The following LRP1B variants were observed in gnomAD, a reference collection of about 807,000 sequenced individuals.
LRP1B encodes LDL receptor related protein 1B, also known as low-density lipoprotein receptor-related protein 1B.
A neutral mutation model predicts 556.6 loss-of-function variants in LRP1B; 217 were observed. The ratio of observed to expected loss-of-function variants is 0.39; its 90% CI spans 0.35 to 0.44. The LOEUF is 0.44. LRP1B is among the 20% of genes least tolerant of loss of function. The probability of loss-of-function intolerance (pLI) is 1.00; values close to 1 mark genes in which losing one functional copy is unlikely to be tolerated. For synonymous variants in LRP1B, 2,047 were observed against 1,865.8 expected, an observed-to-expected ratio of 1.10 and a Z score of -2.50; for missense variants, 5,053 against 5,620.8, an observed-to-expected ratio of 0.90 and a Z score of 3.23.
chr2:141,442,822 T>C (rs1287537857), intron 3 of LRP1B, among the ~76,000 whole-genome samples: 4 of 152,172 alleles, frequency 2.6e-5, no homozygotes, highest in African/African-American at 9.7e-5. Flanking sequence ...CTTTATTCAG[T>C]ATAAAATTGA....
chr2:140,913,097 G>A (rs144943077), intron 21 of LRP1B, among the ~76,000 whole-genome samples: 3 of 151,860 alleles, frequency 2.0e-5, no homozygotes, highest in Non-Finnish European at 4.4e-5. Flanking sequence ...TTATTATAAT[G>A]CCTTTTTGAA....
chr2:141,116,991 A>G (rs1484899709), intron 7 of LRP1B, among the ~76,000 whole-genome samples: 1 of 152,076 alleles, frequency 6.6e-6, no homozygotes, highest in Non-Finnish European at 1.5e-5. Flanking sequence ...CTGTCCATTC[A>G]GTTTACATCT....
chr2:140,908,796 AT>A (rs1396721151), intron 21 of LRP1B, among the ~76,000 whole-genome samples: 3 of 152,096 alleles, frequency 2.0e-5, no homozygotes, highest in Admixed American at 2.0e-4. Flanking sequence ...GTTCATTGTT[AT>A]TTTTGTTTTG....
At position 140,903,279 on chromosome 2, in the gene LRP1B, T is replaced by A; in HGVS notation, c.3521-114A>T. The A allele has an allele frequency of 4.9e-6, 6 of 1,229,566 alleles. No individual in the cohort carries two copies. The South Asian group carries it at 9.2e-5, about 19-fold the overall frequency. 76.2% of individuals were successfully genotyped at this position (1,229,566 alleles called of 1,614,324 possible). ...AATTAGCCAGGATACTACAAATGAA[T>A]ATAAGAAAGCCCTCTTTGGCTTATT... On this transcript the variant is annotated intron_variant, in intron 22 of 90. Coordinates refer to ENST00000389484, the MANE Select transcript of LRP1B (RefSeq NM_018557.3).
intron 2 of LRP1B, among the ~76,000 whole-genome samples, chr2:141,702,018 C>A (rs181863417): frequency 2.0e-5 from 3 of 151,892 alleles, no homozygotes; most frequent in African/African-American, 7.2e-5. Flanking sequence ...GCCAAACAAC[C>A]ACAGAGTTCT....
In LRP1B at chr2:141,710,265, T is replaced by C. The variant is rs1692309990; in HGVS notation, c.205+100014A>G. Among the ~76,000 whole-genome samples, 3 of 152,142 alleles carry C rather than the reference T, an allele frequency of 2.0e-5. No homozygotes were observed. The South Asian group carries it at 6.2e-4, about 31-fold the overall frequency. Reference sequence around the variant, plus strand: ...ATTTTCCTATTCTTTACTCTCAAAATGTCAGGTTTTAAAAAAATTTTCCTT... The same window carrying C: ...ATTTTCCTATTCTTTACTCTCAAAACGTCAGGTTTTAAAAAAATTTTCCTT... On this transcript the variant is annotated intron_variant, in intron 2 of 90. Coordinates refer to ENST00000389484, the MANE Select transcript of LRP1B (RefSeq NM_018557.3).
intron 3 of LRP1B, among the ~76,000 whole-genome samples, chr2:141,479,963 T>C (rs916971786): frequency 6.6e-6 from 1 of 152,224 alleles, no homozygotes; most frequent in African/African-American, 2.4e-5. Flanking sequence ...TTTTCCTTCA[T>C]ACTTCTTACT....
At chr2:141,900,561 G>A (rs946221705) in intron 1 of LRP1B, among the ~76,000 whole-genome samples, 3 of 151,834 alleles carry the variant, frequency 2.0e-5, no homozygotes, top group East Asian at 1.9e-4. Flanking sequence ...AGTTTCCAAT[G>A]AATTTCATAC....
At chr2:141,107,803 A>T (rs111748085) in intron 7 of LRP1B, among the ~76,000 whole-genome samples, 4,907 of 152,192 alleles carry the variant, frequency 0.032, 194 homozygotes, top group East Asian at 0.14. Context: ...TTGTGGCTGT[A>T]ACTGATTATG....
At chr2:142,117,357 A>G (rs1707308969) in intron 1 of LRP1B, among the ~76,000 whole-genome samples, 1 of 152,094 alleles carries the variant, frequency 6.6e-6, no homozygotes, top group Admixed American at 6.6e-5. Context: ...TCATCCTCGT[A>G]TTCTTCTTTC....
chr2:141,170,363 G>T (rs1228086088), intron 7 of LRP1B, among the ~76,000 whole-genome samples: 1 of 152,068 alleles, frequency 6.6e-6, no homozygotes, highest in Non-Finnish European at 1.5e-5. Flanking sequence ...TGTGGAGAAA[G>T]CATGGTTATG....
chr2:141,703,953 C>CT lies in LRP1B; in HGVS notation c.205+106325dup, dbSNP rs1005227353. ...TGAAGTTGCCACTCCCATTCTGCCACTTTTTTAACATTTTCTTCTCAATAT... is the reference window on the plus strand; with the variant it reads ...TGAAGTTGCCACTCCCATTCTGCCACTTTTTTTAACATTTTCTTCTCAATAT... On this transcript the variant is annotated intron_variant, in intron 2 of 90. Coordinates refer to ENST00000389484, the MANE Select transcript of LRP1B (RefSeq NM_018557.3). Among the ~76,000 whole-genome samples the CT allele has an allele frequency of 1.1e-4, 17 of 152,028 alleles. No homozygotes were observed. In the East Asian group the frequency reaches 1.6e-3, roughly 14 times the overall value.
chr2:140,547,686 A>G (rs1680393735), intron 43 of LRP1B, among the ~76,000 whole-genome samples: 3 of 152,060 alleles, frequency 2.0e-5, no homozygotes. Flanking sequence ...TGGATAAATT[A>G]TATGAGTGGA....
intron 1 of LRP1B, among the ~76,000 whole-genome samples, chr2:141,942,836 C>G (rs1316342993): frequency 6.6e-6 from 1 of 152,168 alleles, no homozygotes; most frequent in Non-Finnish European, 1.5e-5. Flanking sequence ...AGGGGAATGC[C>G]TTGCTTCAGG....
chr2:140,328,987 G>T (rs1680647541), intron 79 of LRP1B, among the ~76,000 whole-genome samples: 1 of 152,066 alleles, frequency 6.6e-6, no homozygotes, highest in Admixed American at 6.6e-5. Context: ...CCAGTATGTA[G>T]TTATTTATTT....
chr2:141,103,665 C>A (rs80139712), intron 7 of LRP1B, among the ~76,000 whole-genome samples: 8,891 of 149,504 alleles, frequency 0.059, 341 homozygotes, highest in South Asian at 0.11. Flanking sequence ...TAATTCAATT[C>A]TTGCCAATAC....
intron 2 of LRP1B, among the ~76,000 whole-genome samples, chr2:141,536,395 A>G (rs747541143): frequency 9.9e-5 from 15 of 152,054 alleles, no homozygotes; most frequent in Admixed American, 6.6e-5. Context: ...CTTTCTCTCT[A>G]GAGAACATTA....
intron 2 of LRP1B, among the ~76,000 whole-genome samples, chr2:141,794,000 A>T (rs1034649954): frequency 1.4e-4 from 22 of 152,112 alleles, no homozygotes; most frequent in Admixed American, 1.1e-3. Flanking sequence ...ACAAAATAAC[A>T]CAATAAATTT....
rs1558913754 is a variant in LRP1B at position 140,483,642 on chromosome 2, T to TATATATATATA, written c.9425+1700_9425+1701insTATATATATAT. Among the ~76,000 whole-genome samples, 10 of 61,042 alleles carry TATATATATATA rather than the reference T, an allele frequency of 1.6e-4. No homozygotes were observed. The South Asian group carries it at 3.7e-3, about 23-fold the overall frequency. 40.0% of individuals were successfully genotyped at this position (61,042 alleles called of 152,430 possible). A position where few individuals can be genotyped will look rare whatever the true frequency, so the allele number is the denominator to read the frequency against. On this transcript the variant is annotated intron_variant, in intron 59 of 90. Coordinates refer to ENST00000389484, the MANE Select transcript of LRP1B (RefSeq NM_018557.3). ...TATATATATATATATATATATATAT[T>TATATATATATA]TTTTTTTTTTTTTTTTGAGACACTG...
Sources: allele counts gnomAD v4.1 joint callset (sites outside exome capture counted in the v4.1 genomes callset), GRCh38; gene constraint gnomAD v4.1.1; transcripts MANE v1.5; gene names NCBI Gene and HGNC (gene_info 2026-07-23, HGNC 2026-07-21).